MYO3B: variants seen among roughly 807,000 people sequenced by gnomAD.
MYO3B encodes myosin-IIIb.
MYO3B carries 156 observed loss-of-function variants against 174.6 expected under a neutral mutation model. That is an observed-to-expected ratio of 0.89 (90% CI 0.78 to 1.02). MYO3B has a LOEUF of 1.02. Ranked by LOEUF, MYO3B falls within the 50% of genes least tolerant of loss-of-function variation. MYO3B has a pLI of 0.00. For missense variants in MYO3B, 1,632 were observed against 1,639.4 expected (o/e 1.00, Z 0.08); for synonymous variants, 563 against 569.1 (o/e 0.99, Z 0.15).
At chr2:170,491,570 T>C (rs905497750) in intron 25 of MYO3B, among the ~76,000 whole-genome samples, 19 of 152,074 alleles carry the variant, frequency 1.2e-4, no homozygotes, top group Admixed American at 5.9e-4. Flanking sequence ...GGACTATAGG[T>C]GCCCGCCACC....
At chr2:170,518,242 T>C (rs1688446457) in intron 29 of MYO3B, among the ~76,000 whole-genome samples, 1 of 152,208 alleles carries the variant, frequency 6.6e-6, no homozygotes, top group African/African-American at 2.4e-5. Context: ...ACTTTTTATT[T>C]ATTTTTCTAC....
intron 7 of MYO3B, among the ~76,000 whole-genome samples, chr2:170,266,481 T>TAAGA (rs1364800263): frequency 5.9e-5 from 9 of 152,208 alleles, no homozygotes; most frequent in Non-Finnish European, 1.3e-4. Context: ...AGAATATTCT[T>TAAGA]AAGGTCATTC....
At chr2:170,285,988 C>G (rs191304168) in intron 7 of MYO3B, among the ~76,000 whole-genome samples, 14 of 152,242 alleles carry the variant, frequency 9.2e-5, no homozygotes, top group South Asian at 2.1e-4. Context: ...CATGTCATGT[C>G]TACCATATAT....
intron 32 of MYO3B, among the ~76,000 whole-genome samples, chr2:170,619,656 G>A (rs1575261728): frequency 1.3e-5 from 2 of 149,480 alleles, no homozygotes; most frequent in East Asian, 4.0e-4. Flanking sequence ...TGGAGAGAGT[G>A]AGAGAAAGCA....
Position 170,620,080 on chromosome 2 carries a change from C to T in MYO3B, c.3734-31548C>T, listed in dbSNP as rs545558080. ...AAAGGACCACCTTAGAGGCTGTCCA[C>T]CATAATATGAGGTAAGGCTTATAAG... is the stretch of plus-strand genomic sequence containing the variant. On this transcript the variant is annotated intron_variant, in intron 32 of 34. Coordinates refer to ENST00000408978, the MANE Select transcript of MYO3B (RefSeq NM_138995.5). Among the ~76,000 whole-genome samples, 19 of 152,092 alleles carry T rather than the reference C, an allele frequency of 1.2e-4. 1 individual carries two copies. In the South Asian group the frequency reaches 3.7e-3, roughly 30 times the overall value.
chr2:170,268,967 C>T (rs1365900208), intron 7 of MYO3B, among the ~76,000 whole-genome samples: 1 of 152,132 alleles, frequency 6.6e-6, no homozygotes, highest in Non-Finnish European at 1.5e-5. Context: ...TGGGACATTG[C>T]ATGATTCAGG....
chr2:170,574,792 A>G (rs138948530), intron 32 of MYO3B, among the ~76,000 whole-genome samples: 2 of 152,160 alleles, frequency 1.3e-5, no homozygotes, highest in Non-Finnish European at 1.5e-5. Flanking sequence ...TTGATCCTCA[A>G]AGAAAATCTT....
At chr2:170,572,155 C>T (rs1692475901) in intron 32 of MYO3B, among the ~76,000 whole-genome samples, 1 of 151,986 alleles carries the variant, frequency 6.6e-6, no homozygotes, top group Non-Finnish European at 1.5e-5. Flanking sequence ...TCTGGTCGGG[C>T]ATGGTGGCTC....
intron 2 of MYO3B, 136 bp from the exon 3 acceptor site, chr2:170,200,014 A>G: frequency 1.4e-6 from 1 of 695,386 alleles, no homozygotes; most frequent in South Asian, 2.6e-5. Context: ...CCATTGTTAG[A>G]TATTTTGAAG....
intron 30 of MYO3B, among the ~76,000 whole-genome samples, chr2:170,535,565 C>T (rs1391875159): frequency 1.3e-5 from 2 of 152,178 alleles, no homozygotes; most frequent in Non-Finnish European, 2.9e-5. Context: ...CAAAATTATG[C>T]TGAGGCTGAG....
intron 8 of MYO3B, among the ~76,000 whole-genome samples, chr2:170,336,125 A>G (rs918618047): frequency 2.0e-5 from 3 of 152,030 alleles, no homozygotes; most frequent in African/African-American, 4.8e-5. Context: ...TAAGTCTGAG[A>G]AAGATACTCA....
intron 32 of MYO3B, among the ~76,000 whole-genome samples, chr2:170,632,963 A>C (rs901081762): frequency 3.6e-4 from 55 of 152,222 alleles, no homozygotes; most frequent in African/African-American, 1.2e-3. Flanking sequence ...AGGCTCTGAA[A>C]TTGAGGCAAT....
intron 32 of MYO3B, among the ~76,000 whole-genome samples, chr2:170,558,067 C>A (rs1028660716): frequency 6.6e-6 from 1 of 151,972 alleles, no homozygotes; most frequent in Non-Finnish European, 1.5e-5. Flanking sequence ...TTTGGGAGAC[C>A]AAGGCGGGCG....
chr2:170,622,989 T>G (rs1422287598), intron 32 of MYO3B, among the ~76,000 whole-genome samples: 5 of 152,236 alleles, frequency 3.3e-5, no homozygotes, highest in African/African-American at 1.2e-4. Flanking sequence ...ACATTTGGGT[T>G]GGTCCCAAGT....
Position 170,453,409 on chromosome 2 carries a change from TACACACACACACAC to T in MYO3B, c.2730+9394_2730+9407del, listed in dbSNP as rs35558091. Among the ~76,000 whole-genome samples, 11 of 131,286 alleles carry T rather than the reference TACACACACACACAC, an allele frequency of 8.4e-5. No homozygotes were observed. The South Asian group carries it at 1.1e-3, about 13-fold the overall frequency. The allele number at this position is 131,286 out of a possible 152,430, so 86.1% of individuals were successfully genotyped here. ...GAGACTAACAGTGATGTTTACCATT[TACACACACACACAC>T]ACACACACACACACACACACACACA... On this transcript the variant is annotated intron_variant, in intron 23 of 34. Transcript: ENST00000408978.
intron 7 of MYO3B, among the ~76,000 whole-genome samples, chr2:170,298,578 G>C (rs2093642810): frequency 6.7e-6 from 1 of 149,034 alleles, no homozygotes; most frequent in Admixed American, 6.9e-5. Context: ...AGGAGGCTGA[G>C]ACAGAGAATT....
intron 32 of MYO3B, among the ~76,000 whole-genome samples, chr2:170,556,120 T>C (rs1312475429): frequency 6.6e-6 from 1 of 151,376 alleles, no homozygotes; most frequent in African/African-American, 2.4e-5. Context: ...CACTTGAACC[T>C]GGGAGGCAGA....
intron 5 of MYO3B, among the ~76,000 whole-genome samples, chr2:170,216,053 G>A (rs942939384): frequency 6.6e-6 from 1 of 152,184 alleles, no homozygotes; most frequent in Non-Finnish European, 1.5e-5. Flanking sequence ...GGAGGACTTG[G>A]TAAAATGGGA....
At chr2:170,420,938 A>G (rs746529268) in intron 22 of MYO3B, among the ~76,000 whole-genome samples, 1 of 151,974 alleles carries the variant, frequency 6.6e-6, no homozygotes, top group Non-Finnish European at 1.5e-5. Flanking sequence ...CAGTCCTAGC[A>G]TCACCTCTTC....
Sources: gnomAD v4.1 joint callset for allele counts (sites outside exome capture counted in the v4.1 genomes callset) on GRCh38, gnomAD v4.1.1 for gene constraint, MANE v1.5 for transcripts, NCBI Gene and HGNC (gene_info 2026-07-23, HGNC 2026-07-21) for gene names.